Variants in CDH13 observed in about 807,000 individuals in gnomAD.
CDH13 encodes cadherin-13.
A neutral mutation model predicts 63.8 loss-of-function variants in CDH13; 24 were observed. The observed-to-expected ratio is 0.38, with a 90% CI of 0.27 to 0.53. CDH13 has a LOEUF of 0.53. CDH13 is among the 20% of genes least tolerant of loss of function. The pLI is 0.85. For synonymous variants in CDH13, 503 were observed against 355.3 expected (o/e 1.42, Z -4.67); for missense variants, 1,049 against 903.1 (o/e 1.16, Z -2.07).
Position 83,019,440 on chromosome 16 carries a change from T to G in CDH13, c.158-12570T>G, listed in dbSNP as rs149155979. On this transcript the variant is annotated intron_variant, in intron 2 of 13. Transcript: ENST00000567109. ...GCCATCTCCTATGATATCAATGCCT[T>G]CTTCTGGATACCTCCTGAAGGACTT... Among the ~76,000 whole-genome samples the G allele has an allele frequency of 4.9e-3, 753 of 152,162 alleles. 18 individuals carry two copies. Among genetic ancestry groups the G allele is most frequent in the East Asian group, 0.039 (201 of 5,166 alleles).
chr16:83,499,907 A>G (rs548113771), intron 7 of CDH13, among the ~76,000 whole-genome samples: 18 of 152,296 alleles, frequency 1.2e-4, no homozygotes, highest in African/African-American at 3.8e-4. Context: ...GGTTCAAGCA[A>G]TTCTTCTGCT....
At chr16:83,644,312 G>A (rs961899289) in intron 8 of CDH13, among the ~76,000 whole-genome samples, 2 of 152,226 alleles carry the variant, frequency 1.3e-5, no homozygotes, top group Admixed American at 1.3e-4. Context: ...TCCCTTTAAT[G>A]GCTTTGTATT....
chr16:83,734,183 C>A (rs1383586489), intron 10 of CDH13, among the ~76,000 whole-genome samples: 2 of 152,176 alleles, frequency 1.3e-5, no homozygotes, highest in Middle Eastern at 6.8e-3. Context: ...AAAGTGAAGA[C>A]CAAAGTGTGA....
intron 5 of CDH13, among the ~76,000 whole-genome samples, chr16:83,310,421 C>T (rs143375313): frequency 2.6e-3 from 400 of 152,218 alleles, no homozygotes; most frequent in Non-Finnish European, 4.3e-3. Context: ...CACATACATA[C>T]AAATATATGT....
At chr16:82,628,532 G>T (rs1907631508) in intron 1 of CDH13, among the ~76,000 whole-genome samples, 1 of 152,162 alleles carries the variant, frequency 6.6e-6, no homozygotes, top group African/African-American at 2.4e-5. Context: ...GATAGTACCA[G>T]GGGAGATTCA....
intron 10 of CDH13, among the ~76,000 whole-genome samples, chr16:83,714,762 T>C (rs1472521411): frequency 1.3e-5 from 2 of 152,176 alleles, no homozygotes; most frequent in African/African-American, 4.8e-5. Flanking sequence ...AGCTTTTCTA[T>C]AGAAGACAGA....
At chr16:82,842,325 A>G (rs1340917169) in intron 1 of CDH13, among the ~76,000 whole-genome samples, 2 of 151,566 alleles carry the variant, frequency 1.3e-5, no homozygotes, top group East Asian at 3.9e-4. Context: ...AGTAACCAGT[A>G]GCTGCACCGA....
chr16:83,553,285 A>G (rs565692529), intron 7 of CDH13, among the ~76,000 whole-genome samples: 1 of 152,182 alleles, frequency 6.6e-6, no homozygotes, highest in East Asian at 1.9e-4. Context: ...TATATGAAGG[A>G]TTTTTTCCTG....
intron 7 of CDH13, among the ~76,000 whole-genome samples, chr16:83,508,055 A>AGAAGGAAGGAAGGAAGGAAAGAAG (rs2074445897): frequency 3.3e-3 from 191 of 58,128 alleles, no homozygotes; most frequent in Middle Eastern, 8.3e-3. Flanking sequence ...GAGAAAGAGA[A>AGAAGGAAGGAAGGAAGGAAAGAAG]GAAGGAAGGA....
chr16:83,207,419 C>T (rs1280372136), intron 4 of CDH13, among the ~76,000 whole-genome samples: 1 of 152,212 alleles, frequency 6.6e-6, no homozygotes, highest in Non-Finnish European at 1.5e-5. Flanking sequence ...CATCTCCTTC[C>T]TTTTAAAGTC....
At chr16:82,747,288 T>C (rs1391366115) in intron 1 of CDH13, among the ~76,000 whole-genome samples, 2 of 152,200 alleles carry the variant, frequency 1.3e-5, no homozygotes, top group African/African-American at 4.8e-5. Flanking sequence ...AATTGGAATC[T>C]ACAATTAGAA....
chr16:82,750,841 A>T (rs1404049214), intron 1 of CDH13, among the ~76,000 whole-genome samples: 1 of 152,138 alleles, frequency 6.6e-6, no homozygotes, highest in Non-Finnish European at 1.5e-5. Context: ...GTTATGGTTG[A>T]GTGCATTCTT....
intron 3 of CDH13, among the ~76,000 whole-genome samples, chr16:83,074,947 G>A (rs975139589): frequency 3.3e-5 from 5 of 152,282 alleles, no homozygotes; most frequent in Middle Eastern, 3.4e-3. Context: ...CTGAGGACAC[G>A]TGCAGCCTAA....
chr16:82,895,134 A>G (rs1469882158), intron 2 of CDH13, among the ~76,000 whole-genome samples: 1 of 152,120 alleles, frequency 6.6e-6, no homozygotes, highest in Non-Finnish European at 1.5e-5. Context: ...TGCAATCACC[A>G]CCTCTACCTA....
chr16:82,691,832 C>A (rs1045908720), intron 1 of CDH13, among the ~76,000 whole-genome samples: 1 of 152,098 alleles, frequency 6.6e-6, no homozygotes, highest in African/African-American at 2.4e-5. Flanking sequence ...TGATGCTGGA[C>A]TAGCAGCAGC....
chr16:83,120,813 G>C (rs2035536739), intron 3 of CDH13, among the ~76,000 whole-genome samples: 2 of 134,776 alleles, frequency 1.5e-5, no homozygotes, highest in Admixed American at 1.5e-4. Context: ...ACCCAGGCTG[G>C]AGTACAGTGG....
intron 1 of CDH13, among the ~76,000 whole-genome samples, chr16:82,682,622 T>TG (rs1295891499): frequency 4.6e-5 from 7 of 152,228 alleles, no homozygotes; most frequent in African/African-American, 1.4e-4. Context: ...ACATAAAACA[T>TG]GCTTCTGGCA....
intron 11 of CDH13, among the ~76,000 whole-genome samples, chr16:83,757,236 G>A (rs1005750184): frequency 6.6e-6 from 1 of 152,140 alleles, no homozygotes; most frequent in African/African-American, 2.4e-5. Context: ...CTAAACCAGT[G>A]CTCAGAGGAA....
chr16:82,909,965 C>G (rs2041776427), intron 2 of CDH13, among the ~76,000 whole-genome samples: 1 of 152,174 alleles, frequency 6.6e-6, no homozygotes, highest in South Asian at 2.1e-4. Context: ...AATACCTTCC[C>G]TCCCTGCCTT....
Sources: allele counts gnomAD v4.1 joint callset (sites outside exome capture counted in the v4.1 genomes callset), GRCh38; gene constraint gnomAD v4.1.1; transcripts MANE v1.5; gene names NCBI Gene and HGNC (gene_info 2026-07-23, HGNC 2026-07-21).